TNRC6A: variants seen among roughly 807,000 people sequenced by gnomAD.
TNRC6A encodes the protein trinucleotide repeat containing adaptor 6A, also known as trinucleotide repeat-containing gene 6A protein.
TNRC6A carries 44 observed loss-of-function variants against 221.2 expected under a neutral mutation model. The ratio of observed to expected loss-of-function variants is 0.20; its 90% CI spans 0.16 to 0.26. TNRC6A has a LOEUF of 0.26. TNRC6A is among the 10% of genes least tolerant of loss of function. The pLI is 1.00. For synonymous variants in TNRC6A, 847 were observed against 838.5 expected, an observed-to-expected ratio of 1.01 and a Z score of -0.18; for missense variants, 2,199 against 2,404.4, an observed-to-expected ratio of 0.91 and a Z score of 1.79.
At chr16:24,760,259 A>G (rs756996123) in intron 4 of TNRC6A, among the ~76,000 whole-genome samples, 17 of 151,940 alleles carry the variant, frequency 1.1e-4, no homozygotes, top group Non-Finnish European at 1.9e-4. Flanking sequence ...CTCCCTTTCC[A>G]GTTTCTTAGG....
At position 24,822,871 on chromosome 16, in the gene TNRC6A, T is replaced by C; in HGVS notation, c.5374-3T>C. The C allele has an allele frequency of 1.2e-6, 2 of 1,613,186 alleles. No homozygotes were observed. Among genetic ancestry groups the C allele is most frequent in the Non-Finnish European group, 1.7e-6 (2 of 1,179,960 alleles). The stretch of plus-strand genomic sequence containing the variant: ...CACTGGCAGTTTCCACACTGTTTCC[T>C]AGATCGATGGCTCAACTCTGCGCAC... On this transcript the variant is annotated splice_polypyrimidine_tract_variant and splice_region_variant and intron_variant, in intron 23 of 24. Transcript: ENST00000395799.
chr16:24,699,745 G>T, intron 2 of TNRC6A, among the ~76,000 whole-genome samples: 1 of 150,378 alleles, frequency 6.6e-6, no homozygotes. Flanking sequence ...AAAAGCTTCT[G>T]AGAAAATAAC....
At chr16:24,654,761 C>A (rs1902871857) in intron 2 of TNRC6A, among the ~76,000 whole-genome samples, 1 of 151,894 alleles carries the variant, frequency 6.6e-6, no homozygotes, top group African/African-American at 2.4e-5. Context: ...AAACACACAA[C>A]AACAGAAAAG....
chr16:24,627,697 C>CTTTTT (rs57520356), intron 1 of TNRC6A, among the ~76,000 whole-genome samples: 8 of 101,784 alleles, frequency 7.9e-5, no homozygotes, highest in South Asian at 3.7e-4. Context: ...TCTTTTCTTG[C>CTTTTT]TTTTTTTTTT....
chr16:24,655,463 T>C (rs2054890571), intron 2 of TNRC6A, among the ~76,000 whole-genome samples: 2 of 152,084 alleles, frequency 1.3e-5, no homozygotes, highest in Non-Finnish European at 2.9e-5. Context: ...CCAAGGCGTG[T>C]GGATCACCTG....
chr16:24,773,098 A>G (rs993674965), intron 4 of TNRC6A, among the ~76,000 whole-genome samples: 1 of 151,980 alleles, frequency 6.6e-6, no homozygotes, highest in African/African-American at 2.4e-5. Context: ...AAAGTCATTG[A>G]TCTCTCTTTT....
At chr16:24,653,198 A>C (rs1209678783) in intron 2 of TNRC6A, among the ~76,000 whole-genome samples, 1 of 152,206 alleles carries the variant, frequency 6.6e-6, no homozygotes, top group Admixed American at 6.6e-5. Flanking sequence ...CATGATTCAC[A>C]TTGCAAATGA....
intron 2 of TNRC6A, among the ~76,000 whole-genome samples, chr16:24,706,957 A>AT (rs2056105272): frequency 1.3e-5 from 2 of 148,216 alleles, no homozygotes; most frequent in Non-Finnish European, 3.0e-5. Flanking sequence ...CAGATAAACG[A>AT]TGTATTTATT....
chr16:24,811,057 G>A (rs771326496), intron 18 of TNRC6A, among the ~76,000 whole-genome samples: 5 of 152,232 alleles, frequency 3.3e-5, no homozygotes, highest in African/African-American at 4.8e-5. Context: ...ATAGGTGTTC[G>A]CCGTAAATCA....
intron 18 of TNRC6A, among the ~76,000 whole-genome samples, chr16:24,814,774 G>C (rs2058622207): frequency 3.9e-5 from 6 of 151,944 alleles, no homozygotes; most frequent in Admixed American, 3.9e-4. Context: ...GTGTCTTTTA[G>C]TATATTCATG....
intron 3 of TNRC6A, among the ~76,000 whole-genome samples, chr16:24,756,351 A>T (rs543247277): frequency 1.3e-5 from 2 of 152,312 alleles, no homozygotes; most frequent in East Asian, 1.9e-4. Context: ...TAATAATTTG[A>T]ATAATATACT....
At chr16:24,631,769 C>CT (rs2031094315) in intron 1 of TNRC6A, among the ~76,000 whole-genome samples, 1 of 117,002 alleles carries the variant, frequency 8.5e-6, no homozygotes, top group Non-Finnish European at 1.9e-5. Flanking sequence ...AAGATTCCAC[C>CT]TCAAAAAAAA....
At position 24,790,348 on chromosome 16, in the gene TNRC6A, A is replaced by G. The variant is rs771427844; in HGVS notation, c.1706A>G (p.Lys569Arg). Residue 569 changes from lysine to arginine, a missense_variant, in exon 6 of 25, where the codon AAA becomes AGA. Lys to Arg is a conservative substitution (Grantham distance 26, BLOSUM62 2). Transcript: ENST00000395799. ...MGTNFQVNTN[K>R]GGGVWESGAA... is the part of the protein sequence containing the mutation. ...ACTAACTTTCAAGTTAACACAAACA[A>G]AGGAGGTGGTGTGTGGGAATCTGGT... The G allele has an allele frequency of 1.4e-5, 23 of 1,614,060 alleles. No homozygotes were observed. The Admixed American group carries it at 3.0e-4, about 21-fold the overall frequency.
Position 24,653,965 on chromosome 16 carries a change from C to T in TNRC6A, n.402+12956C>T, listed in dbSNP as rs191448072. ...TGTGGCCCAGGCCGGGGTGCAGTGG[C>T]GCAATCATAGCCCACTGCAGCATCC... On this transcript the variant is annotated intron_variant and non_coding_transcript_variant, in intron 2 of 2. Transcript: ENST00000566108. Among the ~76,000 whole-genome samples, 386 of 152,228 alleles carry T rather than the reference C, an allele frequency of 2.5e-3. 2 individuals are homozygous for T. Among genetic ancestry groups the T allele is most frequent in the African/African-American group, 8.7e-3 (363 of 41,544 alleles).
chr16:24,802,591 C>T (rs899120530), intron 11 of TNRC6A, among the ~76,000 whole-genome samples: 3 of 152,160 alleles, frequency 2.0e-5, no homozygotes, highest in Non-Finnish European at 4.4e-5. Context: ...TGTGCTTTAG[C>T]AGGCAGGTAA....
intron 2 of TNRC6A, among the ~76,000 whole-genome samples, chr16:24,696,865 T>C (rs761752711): frequency 1.5e-4 from 23 of 152,110 alleles, no homozygotes; most frequent in South Asian, 6.2e-4. Context: ...CCTTTAGCCA[T>C]TCCCCTTCTT....
chr16:24,714,597 G>A (rs537760060), intron 2 of TNRC6A, among the ~76,000 whole-genome samples: 7 of 151,950 alleles, frequency 4.6e-5, no homozygotes, highest in Non-Finnish European at 7.4e-5. Context: ...AAGCCACTGC[G>A]CCCAGCCTGC....
rs535737725 is a variant in TNRC6A, at chr16:24,669,941, CTTTTTTT to C, written n.402+28953_402+28959del. On this transcript the variant is annotated intron_variant and non_coding_transcript_variant, in intron 2 of 2. Transcript: ENST00000566108. Reference sequence around the variant, plus strand: ...TCGTTATGACCCTATGAGGCAGCTACTTTTTTTTTTTTTTTTTTTTTTTTTTTAGACA... The same window carrying C: ...TCGTTATGACCCTATGAGGCAGCTACTTTTTTTTTTTTTTTTTTTTAGACA... Among the ~76,000 whole-genome samples the C allele has an allele frequency of 5.0e-3, 136 of 27,192 alleles. 3 individuals carry two copies. Among genetic ancestry groups the C allele is most frequent in the Non-Finnish European group, 7.1e-3 (107 of 15,104 alleles). 17.8% of individuals were successfully genotyped at this position (27,192 alleles called of 152,430 possible).
chr16:24,754,919 G>A (rs2057217704), intron 3 of TNRC6A, among the ~76,000 whole-genome samples: 1 of 152,188 alleles, frequency 6.6e-6, no homozygotes, highest in Non-Finnish European at 1.5e-5. Flanking sequence ...CCAAATTCAA[G>A]TTTAAATGAG....
Sources: gnomAD v4.1 joint callset for allele counts (sites outside exome capture counted in the v4.1 genomes callset) on GRCh38, gnomAD v4.1.1 for gene constraint, MANE v1.5 for transcripts, NCBI Gene and HGNC (gene_info 2026-07-23, HGNC 2026-07-21) for gene names.